The following ENTREP1 variants were observed in gnomAD, a reference collection of about 807,000 sequenced individuals.
ENTREP1 encodes Friedreich ataxia region gene X123.
the ENTREP1 span, among the ~76,000 whole-genome samples, chr9:69,331,128 G>C: frequency 1.3e-5 from 2 of 152,120 alleles, no homozygotes; most frequent in African/African-American, 4.8e-5. Context: ...GCCATTGTAA[G>C]AGCTATAGGG....
chr9:69,369,062 T>C, the ENTREP1 span, among the ~76,000 whole-genome samples: 48,446 of 151,886 alleles, frequency 0.32, 9,014 homozygotes, highest in Admixed American at 0.4. Flanking sequence ...CTCCCACTTA[T>C]GAGTGAGAAC....
At chr9:69,329,401 C>A in the ENTREP1 span, 4 of 983,276 alleles carry the variant, frequency 4.1e-6, no homozygotes, top group Non-Finnish European at 4.8e-6. Context: ...TTAAGAGAGC[C>A]CTGAGCCTGA....
chr9:69,337,799 T>C, the ENTREP1 span, among the ~76,000 whole-genome samples: 1 of 152,210 alleles, frequency 6.6e-6, no homozygotes, highest in Non-Finnish European at 1.5e-5. Context: ...ATTTTTTTTC[T>C]CTATAATATC....
At chr9:69,357,322 T>C in the ENTREP1 span, among the ~76,000 whole-genome samples, 1 of 152,144 alleles carries the variant, frequency 6.6e-6, no homozygotes, top group African/African-American at 2.4e-5. Context: ...AATATTTGTG[T>C]CTCACTCTGG....
chr9:69,387,945 C>G, the ENTREP1 span: 1 of 1,513,688 alleles, frequency 6.6e-7, no homozygotes, highest in Non-Finnish European at 8.9e-7. Flanking sequence ...GACACAATGA[C>G]GTGTTTCGGG....
the ENTREP1 span, among the ~76,000 whole-genome samples, chr9:69,369,409 C>G: frequency 6.6e-6 from 1 of 152,182 alleles, no homozygotes; most frequent in Non-Finnish European, 1.5e-5. Context: ...AATCACCACA[C>G]TGTCTTCCAC....
the ENTREP1 span, among the ~76,000 whole-genome samples, chr9:69,367,834 T>TACACATATATATATAAATATATAC: frequency 9.8e-6 from 1 of 101,788 alleles, no homozygotes; most frequent in African/African-American, 3.6e-5. Context: ...AATATATATA[T>TACACATATATATATAAATATATAC]ACACATATAT....
At chr9:69,370,774 G>A in the ENTREP1 span, among the ~76,000 whole-genome samples, 3 of 152,102 alleles carry the variant, frequency 2.0e-5, no homozygotes, top group Admixed American at 6.5e-5. Context: ...TTGTTCTAAC[G>A]CTGATAATTA....
chr9:69,333,327 T>G, the ENTREP1 span, among the ~76,000 whole-genome samples: 3,247 of 152,040 alleles, frequency 0.021, 50 homozygotes, highest in Middle Eastern at 0.068. Context: ...TATTTTTTTT[T>G]TGAGATGGAC....
the ENTREP1 span, among the ~76,000 whole-genome samples, chr9:69,372,910 T>C: frequency 6.6e-6 from 1 of 152,164 alleles, no homozygotes; most frequent in African/African-American, 2.4e-5. Context: ...TGGTTTTGAT[T>C]TGCATTTTCC....
At chr9:69,336,021 G>A in the ENTREP1 span, among the ~76,000 whole-genome samples, 1 of 152,184 alleles carries the variant, frequency 6.6e-6, no homozygotes, top group African/African-American at 2.4e-5. Context: ...CAATAAAAAA[G>A]CTTTGAGGGC....
At chr9:69,381,396 G>C in the ENTREP1 span, 1 of 152,132 alleles carries the variant, frequency 6.6e-6, no homozygotes, top group African/African-American at 2.4e-5. Flanking sequence ...AACTTTCCCA[G>C]TAGAACAGGG....
chr9:69,376,223 A>C, the ENTREP1 span, among the ~76,000 whole-genome samples: 1 of 152,160 alleles, frequency 6.6e-6, no homozygotes, highest in African/African-American at 2.4e-5. Flanking sequence ...CTTTTAGCAA[A>C]ACCTTTAAGT....
At chr9:69,386,185 G>T in the ENTREP1 span, 1 of 343,730 alleles carries the variant, frequency 2.9e-6, no homozygotes, top group Non-Finnish European at 5.1e-6. Context: ...GTCATCAAAA[G>T]AATTTGGTTG....
the ENTREP1 span, among the ~76,000 whole-genome samples, chr9:69,337,042 T>C: frequency 8.7e-6 from 1 of 114,890 alleles, no homozygotes; most frequent in African/African-American, 3.5e-5. Flanking sequence ...TTTGATACAG[T>C]CTCACCCTGT....
chr9:69,327,619 C>CTAAAG, the ENTREP1 span, among the ~76,000 whole-genome samples: 1 of 67,112 alleles, frequency 1.5e-5, no homozygotes, highest in Non-Finnish European at 3.9e-5. Flanking sequence ...GATGAAGTAC[C>CTAAAG]AAAAGAAAAG....
chr9:69,325,684 G>T, the ENTREP1 span: 3 of 1,231,198 alleles, frequency 2.4e-6, no homozygotes, highest in African/African-American at 1.6e-5. Context: ...GCAGCTCCCC[G>T]CAGGTGAAGA....
At chr9:69,367,483 A>G in the ENTREP1 span, among the ~76,000 whole-genome samples, 4 of 150,784 alleles carry the variant, frequency 2.7e-5, no homozygotes, top group Non-Finnish European at 5.9e-5. Flanking sequence ...TTTCCAATCC[A>G]TGAACATGGG....
the ENTREP1 span, among the ~76,000 whole-genome samples, chr9:69,343,687 A>G: frequency 1.3e-5 from 2 of 151,914 alleles, no homozygotes; most frequent in East Asian, 3.9e-4. Context: ...TAATATAAAC[A>G]ATTAAACATG....
Sources: gnomAD v4.1 joint callset for allele counts (sites outside exome capture counted in the v4.1 genomes callset) on GRCh38, gnomAD v4.1.1 for gene constraint, MANE v1.5 for transcripts, NCBI Gene and HGNC (gene_info 2026-07-23, HGNC 2026-07-21) for gene names.